LRP1B: variants seen among roughly 807,000 people sequenced by gnomAD.
LRP1B encodes the protein low-density lipoprotein receptor-related protein 1B.
In LRP1B, 217 loss-of-function variants were observed where a neutral mutation model predicts 556.6. The observed-to-expected ratio is 0.39, with a 90% CI of 0.35 to 0.44. The LOEUF (loss-of-function observed/expected upper bound fraction) is 0.44. LRP1B is among the 20% of genes least tolerant of loss of function. The pLI, the probability that LRP1B is intolerant of heterozygous loss-of-function variation, is 1.00. For synonymous variants in LRP1B, 2,047 were observed against 1,865.8 expected (o/e 1.10, Z -2.50); for missense variants, 5,053 against 5,620.8 (o/e 0.90, Z 3.23).
intron 43 of LRP1B, among the ~76,000 whole-genome samples, chr2:140,594,013 C>T (rs767970146): frequency 6.6e-6 from 1 of 151,520 alleles, no homozygotes; most frequent in Non-Finnish European, 1.5e-5. Context: ...AAGTCTCATT[C>T]CATTGCCAGG....
At chr2:141,655,992 C>G (rs1013684242) in intron 2 of LRP1B, among the ~76,000 whole-genome samples, 1 of 152,018 alleles carries the variant, frequency 6.6e-6, no homozygotes, top group Admixed American at 6.6e-5. Context: ...GCGATTTATA[C>G]AGGTGAACTC....
chr2:141,189,399 G>A (rs7608818), intron 6 of LRP1B, among the ~76,000 whole-genome samples: 68,309 of 151,772 alleles, frequency 0.45, 17,374 homozygotes, highest in Middle Eastern at 0.62. Context: ...TCATGTTCCT[G>A]GAACTTGTGA....
At chr2:140,366,649 T>C (rs1682776304) in intron 71 of LRP1B, among the ~76,000 whole-genome samples, 2 of 151,600 alleles carry the variant, frequency 1.3e-5, no homozygotes, top group African/African-American at 4.8e-5. Flanking sequence ...TGCCAGACAA[T>C]ACATGGGAAA....
intron 1 of LRP1B, among the ~76,000 whole-genome samples, chr2:142,053,801 G>A (rs917499336): frequency 2.6e-5 from 4 of 152,074 alleles, no homozygotes; most frequent in African/African-American, 9.7e-5. Flanking sequence ...ATACTCCATC[G>A]ATCAAGAGGG....
intron 1 of LRP1B, among the ~76,000 whole-genome samples, chr2:141,879,321 G>A (rs12613802): frequency 0.25 from 38,550 of 151,476 alleles, 5,380 homozygotes; most frequent in East Asian, 0.43. Context: ...AATGTCATAC[G>A]AGGGATAAGT....
intron 3 of LRP1B, among the ~76,000 whole-genome samples, chr2:141,315,835 GA>G (rs1687008905): frequency 3.1e-5 from 4 of 127,476 alleles, no homozygotes; most frequent in Non-Finnish European, 1.6e-5. Context: ...GCAAAACTCA[GA>G]AAATACCTCT....
chr2:141,616,050 G>A (rs543722079), intron 2 of LRP1B, among the ~76,000 whole-genome samples: 12 of 152,246 alleles, frequency 7.9e-5, no homozygotes, highest in African/African-American at 2.9e-4. Flanking sequence ...TTGGGAGGCC[G>A]AGATGGGCGG....
At chr2:141,897,786 C>G (rs1318601165) in intron 1 of LRP1B, among the ~76,000 whole-genome samples, 1 of 152,102 alleles carries the variant, frequency 6.6e-6, no homozygotes, top group Non-Finnish European at 1.5e-5. Flanking sequence ...CAGCAGTCAC[C>G]AGAATATTCA....
chr2:140,657,786 A>G (rs1028516512), intron 41 of LRP1B, among the ~76,000 whole-genome samples: 2 of 151,798 alleles, frequency 1.3e-5, no homozygotes, highest in African/African-American at 4.8e-5. Context: ...ATTAAAAACA[A>G]AAGAGCCTTT....
intron 3 of LRP1B, among the ~76,000 whole-genome samples, chr2:141,351,190 G>C (rs1422252645): frequency 6.6e-6 from 1 of 151,856 alleles, no homozygotes; most frequent in Non-Finnish European, 1.5e-5. Context: ...AAAATCAAAG[G>C]AATCAAGAAT....
chr2:141,619,323 A>C (rs1001555753), intron 2 of LRP1B, among the ~76,000 whole-genome samples: 1 of 152,192 alleles, frequency 6.6e-6, no homozygotes, highest in African/African-American at 2.4e-5. Context: ...TAACAACAGG[A>C]GGAGCTAATA....
intron 1 of LRP1B, among the ~76,000 whole-genome samples, chr2:141,943,994 C>T (rs899871094): frequency 9.9e-5 from 15 of 152,260 alleles, no homozygotes; most frequent in East Asian, 5.8e-4. Context: ...CACAGGGGAA[C>T]AGGAGGGCCA....
chr2:141,008,134 T>C (rs188200694), intron 14 of LRP1B, among the ~76,000 whole-genome samples: 1 of 151,496 alleles, frequency 6.6e-6, no homozygotes, highest in African/African-American at 2.4e-5. Context: ...TAAAACATGT[T>C]TAAGTAACTA....
chr2:141,320,657 C>T (rs16855038), intron 3 of LRP1B, among the ~76,000 whole-genome samples: 30,041 of 151,936 alleles, frequency 0.2, 4,116 homozygotes, highest in African/African-American at 0.38. Context: ...AGATATTTTA[C>T]GAGAATAGGT....
At chr2:142,016,730 G>A (rs1452050156) in intron 1 of LRP1B, among the ~76,000 whole-genome samples, 1 of 151,908 alleles carries the variant, frequency 6.6e-6, no homozygotes, top group Non-Finnish European at 1.5e-5. Context: ...TAATGTAGAT[G>A]ACGTAGTGAT....
chr2:140,748,605 A>G (rs1231813040), intron 35 of LRP1B, among the ~76,000 whole-genome samples: 10 of 109,246 alleles, frequency 9.2e-5, no homozygotes, highest in African/African-American at 3.8e-4. Context: ...ATATATATAT[A>G]TATATATATA....
At chr2:141,194,135 T>C (rs1236899466) in intron 6 of LRP1B, among the ~76,000 whole-genome samples, 1 of 152,166 alleles carries the variant, frequency 6.6e-6, no homozygotes, top group Non-Finnish European at 1.5e-5. Flanking sequence ...ACTGTAAATA[T>C]TTCAACCTCT....
At chr2:140,341,097 A>G (rs1460395104) in intron 77 of LRP1B, among the ~76,000 whole-genome samples, 2 of 151,590 alleles carry the variant, frequency 1.3e-5, no homozygotes, top group Non-Finnish European at 3.0e-5. Flanking sequence ...TTTGAAGCAG[A>G]TGTGCATGTA....
At chr2:142,086,280 T>A (rs923680318) in intron 1 of LRP1B, among the ~76,000 whole-genome samples, 1 of 152,142 alleles carries the variant, frequency 6.6e-6, no homozygotes, top group African/African-American at 2.4e-5. Context: ...TCTATGGGCA[T>A]TTTTCCTGTG....
Sources: allele counts gnomAD v4.1 joint callset (sites outside exome capture counted in the v4.1 genomes callset), GRCh38; gene constraint gnomAD v4.1.1; transcripts MANE v1.5; gene names NCBI Gene and HGNC (gene_info 2026-07-23, HGNC 2026-07-21).